Variants in RNF34 observed in about 807,000 individuals in gnomAD.
RNF34 encodes the protein E3 ubiquitin-protein ligase RNF34.
A neutral mutation model predicts 37.9 loss-of-function variants in RNF34; 12 were observed. That is an observed-to-expected ratio of 0.32 (90% confidence interval 0.20 to 0.51). The LOEUF (loss-of-function observed/expected upper bound fraction) is 0.51. Ranked by LOEUF, RNF34 falls within the 20% of genes least tolerant of loss-of-function variation. RNF34 has a pLI of 0.97. For synonymous variants in RNF34, 155 were observed against 177.2 expected (o/e 0.87, Z 1.00); for missense variants, 362 against 472.7 (o/e 0.77, Z 2.17).
In RNF34 at chr12:121,417,877, G is replaced by A. The variant is rs781936618; in HGVS notation, c.599G>A (p.Gly200Glu). Residue 200 changes from glycine (G) to glutamate (E), a missense_variant, in exon 3 of 6, where the codon GGA (glycine) becomes GAA (glutamate). Gly to Glu is a moderately conservative substitution (Grantham distance 98, BLOSUM62 -2). Coordinates refer to ENST00000361234, the MANE Select transcript of RNF34 (RefSeq NM_025126.4). This position sits in a 1 kb window ranked among gnomAD's most constrained non-coding sequence, Gnocchi z 5.0. ...TCGTTTCAGGGAGAGCTTATGGATG[G>A]AGACCAAACATCCAGATCTGGAGTG... ...MSSFQGELMD[G>E]DQTSRSGVPA... The A allele has an allele frequency of 2.3e-5, 37 of 1,613,936 alleles. No homozygotes were observed. Among genetic ancestry groups the A allele is most frequent in the Non-Finnish European group, 8.5e-7 (1 of 1,180,020 alleles).
chr12:121,416,403 C>T, intron 2 of RNF34, 26 bp downstream of exon 2: 1 of 1,416,176 alleles, frequency 7.1e-7, no homozygotes, highest in Non-Finnish European at 1.0e-6. Flanking sequence ...TGTTACATAA[C>T]AACACACATG....
chr12:121,409,272 A>T (rs1555281035), intron 1 of RNF34, among the ~76,000 whole-genome samples: 1 of 152,088 alleles, frequency 6.6e-6, no homozygotes, highest in South Asian at 2.1e-4. Context: ...GGACCACAAC[A>T]CTTGGCCAAA....
Position 121,423,241 on chromosome 12 carries a change from T to G in RNF34, c.929-145T>G. 1 of 580,694 alleles carries G rather than the reference T, an allele frequency of 1.7e-6. No individual in the cohort carries two copies. The highest frequency in any genetic ancestry group is 3.0e-6 in the Non-Finnish European group (1 of 329,798). 36.0% of individuals were successfully genotyped at this position (580,694 alleles called of 1,614,324 possible). ...TGGAGAGAACCAAAGTGCAGAGAAG[T>G]TGGGATTATTTCTTGTACAACACTG... On this transcript the variant is annotated intron_variant, in intron 5 of 5. Transcript: ENST00000361234. The surrounding 1 kb of genome is among the most constrained non-coding windows in gnomAD (Gnocchi z 4.3).
intron 3 of RNF34, chr12:121,418,467 T>C (rs1871784877): frequency 6.5e-6 from 1 of 152,918 alleles, no homozygotes; most frequent in Admixed American, 6.5e-5. Context: ...GTAATTAATA[T>C]TTACTTGTAC....
chr12:121,415,402 C>A, intron 1 of RNF34: 2 of 254,654 alleles, frequency 7.9e-6, no homozygotes, highest in South Asian at 3.5e-5. Context: ...AGGCAGATCA[C>A]TTGAGGCCAC....
chr12:121,410,558 AT>A (rs1214467676), intron 1 of RNF34, among the ~76,000 whole-genome samples: 7 of 146,144 alleles, frequency 4.8e-5, no homozygotes, highest in South Asian at 2.2e-4. Flanking sequence ...AAAAAAAAAA[AT>A]GCTGGATGGG....
At chr12:121,407,021 G>A (rs1870608668) in intron 1 of RNF34, among the ~76,000 whole-genome samples, 1 of 152,144 alleles carries the variant, frequency 6.6e-6, no homozygotes, top group African/African-American at 2.4e-5. Flanking sequence ...CCAGCAGGTA[G>A]TGAACACAGT....
At chr12:121,405,101 G>C (rs1310935846) in intron 1 of RNF34, 1 of 152,160 alleles carries the variant, frequency 6.6e-6, no homozygotes, top group African/African-American at 2.4e-5. Flanking sequence ...CTACTCTTAC[G>C]CAGATTATTT....
chr12:121,421,843 C>T (rs911772305), intron 5 of RNF34, among the ~76,000 whole-genome samples: 4 of 152,122 alleles, frequency 2.6e-5, no homozygotes, highest in Non-Finnish European at 5.9e-5. Flanking sequence ...CTTAAACAGC[C>T]CTCCCATCAT....
intron 1 of RNF34, among the ~76,000 whole-genome samples, chr12:121,411,469 C>T (rs1354188196): frequency 6.6e-6 from 1 of 152,128 alleles, no homozygotes. Flanking sequence ...AATTTTAATG[C>T]TCATACTCAT....
intron 1 of RNF34, among the ~76,000 whole-genome samples, chr12:121,400,663 G>A (rs1480622650): frequency 6.6e-6 from 1 of 152,218 alleles, no homozygotes; most frequent in Non-Finnish European, 1.5e-5. Flanking sequence ...GCAGGGGGTG[G>A]TGAGGCTAGG....
rs782676250 is a variant in RNF34 at position 121,420,333 on chromosome 12, G to C, written c.725G>C (p.Arg242Pro). 19 of 1,561,014 alleles carry C rather than the reference G, an allele frequency of 1.2e-5. No individual in the cohort carries two copies. The highest frequency in any genetic ancestry group is 1.6e-5 in the Non-Finnish European group (19 of 1,152,002). ...DDDEEENAEDRNPGLSKERVR... is the reference protein window; with the variant it reads ...DDDEEENAEDPNPGLSKERVR... Reference sequence around the variant, plus strand: ...GATGAAGAAGAAAACGCAGAGGATCGGGTGAGGCCACCTATAAAATTTGGT... The same window carrying C: ...GATGAAGAAGAAAACGCAGAGGATCCGGTGAGGCCACCTATAAAATTTGGT... Residue 242 changes from arginine (R) to proline (P), a missense_variant and splice_region_variant, in exon 4 of 6, where the codon CGG becomes CCG. Arg to Pro is a moderately radical substitution (Grantham distance 103). Coordinates refer to ENST00000361234, the MANE Select transcript of RNF34 (RefSeq NM_025126.4).
intron 1 of RNF34, among the ~76,000 whole-genome samples, chr12:121,402,429 C>T (rs896590752): frequency 1.3e-5 from 2 of 152,076 alleles, no homozygotes; most frequent in Non-Finnish European, 2.9e-5. Context: ...TACTTTCTCC[C>T]TTTGGCGTTT....
chr12:121,416,027 G>A (rs1593668462), intron 1 of RNF34, 132 bp from the exon 2 acceptor site: 1 of 645,370 alleles, frequency 1.5e-6, no homozygotes. Context: ...TGAAATTTCA[G>A]TGCCCAGAGG....
chr12:121,408,095 C>G (rs927193348), intron 1 of RNF34, among the ~76,000 whole-genome samples: 15 of 152,088 alleles, frequency 9.9e-5, no homozygotes, highest in Admixed American at 2.0e-4. Flanking sequence ...CCCTTGAGCC[C>G]TGGAGTTTGA....
intron 1 of RNF34, among the ~76,000 whole-genome samples, chr12:121,410,751 G>A (rs1046466639): frequency 1.3e-5 from 2 of 152,136 alleles, no homozygotes; most frequent in African/African-American, 2.4e-5. Context: ...CTCATTGGAA[G>A]ATTTTGCCCA....
chr12:121,405,956 G>A lies in RNF34; in HGVS notation c.6+5738G>A, dbSNP rs535876851. 3.5e-3 allele frequency among the ~76,000 whole-genome samples: 538 copies of A among 151,564 alleles called. 2 individuals are homozygous for A. Among genetic ancestry groups the A allele is most frequent in the African/African-American group, 0.013 (521 of 41,270 alleles). ...CTACAAGTGCCTGCTACCACGTCCA[G>A]CTAATTTTTTGTATTTTTAGTAGAG... On this transcript the variant is annotated intron_variant, in intron 1 of 5. Coordinates refer to ENST00000361234, the MANE Select transcript of RNF34 (RefSeq NM_025126.4).
At chr12:121,420,805 T>C (rs1555283243) in intron 5 of RNF34, 27 bp downstream of exon 5, 1 of 1,563,938 alleles carries the variant, frequency 6.4e-7, no homozygotes, top group Admixed American at 1.7e-5. Flanking sequence ...ATTTTTTCCC[T>C]GTAGTATTTT....
At chr12:121,419,046 A>G (rs1871846257) in intron 3 of RNF34, among the ~76,000 whole-genome samples, 1 of 152,200 alleles carries the variant, frequency 6.6e-6, no homozygotes, top group Non-Finnish European at 1.5e-5. Context: ...GCAGAGGGAA[A>G]TTTGGTCTAA....
Sources: allele counts gnomAD v4.1 joint callset (sites outside exome capture counted in the v4.1 genomes callset), GRCh38; gene constraint gnomAD v4.1.1; non-coding constraint Gnocchi (gnomAD v3.1); transcripts MANE v1.5; gene names NCBI Gene and HGNC (gene_info 2026-07-23, HGNC 2026-07-21).